CDH2: variants seen among roughly 807,000 people sequenced by gnomAD.
CDH2 encodes cadherin 2, also known as cadherin-2.
CDH2 carries 17 observed loss-of-function variants against 92.0 expected under a neutral mutation model. The observed-to-expected ratio is 0.18, with a 90% confidence interval of 0.13 to 0.28. CDH2 has a LOEUF of 0.28. Among genes scored for constraint, CDH2 ranks in the 10% least tolerant of loss-of-function variants. The probability of loss-of-function intolerance (pLI) is 1.00; values close to 1 mark genes in which losing one functional copy is unlikely to be tolerated. For missense variants in CDH2, 862 were observed against 1,133.1 expected, an observed-to-expected ratio of 0.76 and a Z score of 3.44; for synonymous variants, 419 against 415.9, an observed-to-expected ratio of 1.01 and a Z score of -0.09.
intron 1 of CDH2, among the ~76,000 whole-genome samples, chr18:28,156,037 T>C (rs757993877): frequency 6.6e-6 from 1 of 151,682 alleles, no homozygotes; most frequent in Non-Finnish European, 1.5e-5. Context: ...TTGTCTTGCA[T>C]GGGTTTTTTA....
At chr18:28,142,885 G>T (rs754726708) in intron 2 of CDH2, among the ~76,000 whole-genome samples, 7 of 151,920 alleles carry the variant, frequency 4.6e-5, no homozygotes, top group Non-Finnish European at 8.8e-5. Flanking sequence ...TCCCAATTTA[G>T]TAATACATCA....
chr18:27,989,735 G>C (rs1402558377), intron 10 of CDH2, among the ~76,000 whole-genome samples: 1 of 152,134 alleles, frequency 6.6e-6, no homozygotes, highest in African/African-American at 2.4e-5. Context: ...ATGATGCATG[G>C]AGGAGAGATA....
Position 27,985,719 on chromosome 18 carries a change from A to C in CDH2, c.1784T>G (p.Leu595Ter). 1 of 1,613,544 alleles carries C rather than the reference A, an allele frequency of 6.2e-7. No homozygotes were observed. Residue 595 changes from leucine (L) to a stop codon, truncating the protein, a stop_gained, in exon 12 of 16, where the codon TTA becomes TGA. Transcript: ENST00000269141. LOFTEE classifies it high-confidence loss of function. ...MSGTGTLQIYLLDINDNAPQV... is the reference protein window; with the variant it reads ...MSGTGTLQIY Reference sequence around the variant, plus strand: ...AGGGGCATTGTCATTAATATCAAGTAAATAGATCTGCAGCGTTCCTGTTCC... The same window carrying C: ...AGGGGCATTGTCATTAATATCAAGTCAATAGATCTGCAGCGTTCCTGTTCC...
intron 2 of CDH2, among the ~76,000 whole-genome samples, chr18:28,136,071 C>T (rs982808087): frequency 1.3e-5 from 2 of 152,146 alleles, no homozygotes; most frequent in African/African-American, 4.8e-5. Context: ...CTCAAATGCA[C>T]AATACATGCC....
At chr18:28,108,248 A>G (rs1208685676) in intron 2 of CDH2, among the ~76,000 whole-genome samples, 3 of 152,210 alleles carry the variant, frequency 2.0e-5, no homozygotes, top group South Asian at 2.1e-4. Flanking sequence ...ACTTCCAAAG[A>G]TCTGAAAAAG....
At chr18:28,172,126 G>A (rs868604531) in intron 1 of CDH2, among the ~76,000 whole-genome samples, 2 of 151,814 alleles carry the variant, frequency 1.3e-5, no homozygotes, top group African/African-American at 4.8e-5. Flanking sequence ...CAATCCAAGG[G>A]CTTGGGGGCT....
At chr18:28,053,004 G>A (rs560866919) in intron 2 of CDH2, among the ~76,000 whole-genome samples, 2 of 152,128 alleles carry the variant, frequency 1.3e-5, no homozygotes, top group African/African-American at 2.4e-5. Context: ...ATAAAAAGAC[G>A]AATTTTGGAC....
intron 10 of CDH2, 116 bp from the exon 11 acceptor site, chr18:27,988,782 T>G (rs1285341302): frequency 1.1e-5 from 8 of 720,376 alleles, no homozygotes; most frequent in Admixed American, 2.6e-5. Context: ...AGATGATGGC[T>G]GGACATACAG....
intron 15 of CDH2, among the ~76,000 whole-genome samples, chr18:27,959,957 GT>G (rs2011354149): frequency 6.6e-6 from 1 of 151,790 alleles, no homozygotes; most frequent in South Asian, 2.1e-4. Flanking sequence ...TGAGGCTGCA[GT>G]TTGTTATGAT....
intron 1 of CDH2, among the ~76,000 whole-genome samples, chr18:28,173,189 TAA>T (rs939037356): frequency 1.3e-5 from 2 of 152,126 alleles, no homozygotes; most frequent in African/African-American, 4.8e-5. Flanking sequence ...GATGAAAGTA[TAA>T]AAGTCAGAAA....
rs945263926 is a variant in CDH2, at chr18:28,158,965, T to C, written c.61-11181A>G. Reference sequence around the variant, plus strand: ...TGTTACGCATACAACTGGTTTAATATTTTAAGTGAATTAAATATATAATTT... The same window carrying C: ...TGTTACGCATACAACTGGTTTAATACTTTAAGTGAATTAAATATATAATTT... On this transcript the variant is annotated intron_variant, in intron 1 of 15. Transcript: ENST00000269141. Among the ~76,000 whole-genome samples, 17 of 152,278 alleles carry C rather than the reference T, an allele frequency of 1.1e-4. 1 individual carries two copies. The highest frequency in any genetic ancestry group is 3.6e-4 in the African/African-American group (15 of 41,476).
At chr18:28,132,952 T>A (rs775566799) in intron 2 of CDH2, among the ~76,000 whole-genome samples, 1 of 152,102 alleles carries the variant, frequency 6.6e-6, no homozygotes, top group African/African-American at 2.4e-5. Flanking sequence ...TAGTTCAGAT[T>A]TGGGGGGAGT....
chr18:27,979,728 C>T (rs1469301601), intron 14 of CDH2, among the ~76,000 whole-genome samples: 2 of 150,674 alleles, frequency 1.3e-5, no homozygotes, highest in African/African-American at 2.4e-5. Context: ...TGTTTGATAT[C>T]CATTTACATA....
intron 2 of CDH2, among the ~76,000 whole-genome samples, chr18:28,023,299 G>A (rs760343106): frequency 1.3e-5 from 2 of 152,050 alleles, no homozygotes; most frequent in Non-Finnish European, 2.9e-5. Context: ...TAGGGCCAGA[G>A]CACCAGCCTC....
rs200230866 is a variant in CDH2, at chr18:27,963,418, G to A, written c.2453C>T (p.Pro818Leu). The change falls in exon 15 of 16, where the codon CCC becomes CTC. Residue 818 changes from proline to leucine, a missense_variant. Physicochemically the swap from Pro to Leu is moderately conservative, Grantham distance 98. This residue lies in a region of CDH2 where 114 missense variants were observed against 144.8 expected (regional missense o/e 0.79). Transcript: ENST00000269141. ...RMDERPIHAE[P>L]QYPVRSAAPH... ...GGCTGCAGATCGGACCGGATACTGGGGCTCGGCGTGGATGGGTCTTTCATC... is the reference window on the plus strand; with the variant it reads ...GGCTGCAGATCGGACCGGATACTGGAGCTCGGCGTGGATGGGTCTTTCATC... 1.2e-6 allele frequency: 2 copies of A among 1,613,890 alleles called. No individual in the cohort carries two copies. The highest frequency in any genetic ancestry group is 1.7e-6 in the Non-Finnish European group (2 of 1,180,016).
chr18:27,974,963 T>C (rs1293744648), intron 14 of CDH2, among the ~76,000 whole-genome samples: 1 of 152,168 alleles, frequency 6.6e-6, no homozygotes, highest in Non-Finnish European at 1.5e-5. Context: ...CTACTTTCTT[T>C]GTGATTTCAG....
chr18:28,150,846 A>C (rs1228907262), intron 1 of CDH2, among the ~76,000 whole-genome samples: 3 of 152,216 alleles, frequency 2.0e-5, no homozygotes, highest in South Asian at 2.1e-4. Context: ...ATACTAATCT[A>C]TAATGTATTT....
At chr18:28,154,169 A>G (rs921556916) in intron 1 of CDH2, among the ~76,000 whole-genome samples, 14 of 152,228 alleles carry the variant, frequency 9.2e-5, no homozygotes, top group African/African-American at 3.4e-4. Flanking sequence ...TACAGAAACC[A>G]TGATTTTTCT....
chr18:28,018,309 A>G (rs531962247), intron 2 of CDH2, among the ~76,000 whole-genome samples: 1 of 152,260 alleles, frequency 6.6e-6, no homozygotes, highest in African/African-American at 2.4e-5. Context: ...ACCAATGACC[A>G]TACTGCTAAA....
Sources: gnomAD v4.1 joint callset for allele counts (sites outside exome capture counted in the v4.1 genomes callset) on GRCh38, gnomAD v4.1.1 for gene constraint, gnomAD v4.1.1 regional missense constraint, MANE v1.5 for transcripts, NCBI Gene and HGNC (gene_info 2026-07-23, HGNC 2026-07-21) for gene names.